SGCZ: variants seen among roughly 807,000 people sequenced by gnomAD.
SGCZ encodes the protein zeta-sarcoglycan.
Under a neutral mutation model 41.3 loss-of-function variants are expected in SGCZ, and 40 were observed. That is an observed-to-expected ratio of 0.97 (90% CI 0.75 to 1.26). The LOEUF is 1.26. Ranked by LOEUF, SGCZ falls within the 50% of genes most tolerant of loss-of-function variation. SGCZ has a pLI of 0.00. For synonymous variants in SGCZ, 206 were observed against 137.5 expected, an observed-to-expected ratio of 1.50 and a Z score of -3.49; for missense variants, 552 against 369.8, an observed-to-expected ratio of 1.49 and a Z score of -4.04.
chr8:14,955,477 T>G (rs1402203026), intron 1 of SGCZ, among the ~76,000 whole-genome samples: 1 of 152,172 alleles, frequency 6.6e-6, no homozygotes, highest in African/African-American at 2.4e-5. Context: ...CATTTCAACT[T>G]AAGTAGGTAA....
At chr8:14,359,971 G>A (rs1209475245) in intron 2 of SGCZ, among the ~76,000 whole-genome samples, 1 of 152,124 alleles carries the variant, frequency 6.6e-6, no homozygotes, top group Non-Finnish European at 1.5e-5. Context: ...ATATGCAAAT[G>A]AATGTGATAT....
intron 2 of SGCZ, among the ~76,000 whole-genome samples, chr8:14,479,398 G>A (rs1203648476): frequency 6.6e-6 from 1 of 152,194 alleles, no homozygotes; most frequent in African/African-American, 2.4e-5. Flanking sequence ...AGCGTTCGCA[G>A]CTGATTAGAT....
chr8:15,223,236 T>G (rs1337464181), intron 1 of SGCZ, among the ~76,000 whole-genome samples: 1 of 152,170 alleles, frequency 6.6e-6, no homozygotes, highest in Non-Finnish European at 1.5e-5. Flanking sequence ...AATTTCTCCC[T>G]AAGCTAAGCA....
intron 1 of SGCZ, among the ~76,000 whole-genome samples, chr8:14,826,361 C>A (rs1480881002): frequency 6.6e-6 from 1 of 152,068 alleles, no homozygotes; most frequent in Admixed American, 6.6e-5. Context: ...GGTTCCAAGT[C>A]TTTGCTATTG....
intron 1 of SGCZ, among the ~76,000 whole-genome samples, chr8:14,791,542 A>G (rs1800953461): frequency 6.6e-6 from 1 of 152,200 alleles, no homozygotes; most frequent in South Asian, 2.1e-4. Flanking sequence ...TTCACCTAAT[A>G]GAAGTTTCTA....
chr8:14,116,162 T>C (rs893526726), intron 5 of SGCZ, among the ~76,000 whole-genome samples: 3 of 152,134 alleles, frequency 2.0e-5, no homozygotes, highest in African/African-American at 7.2e-5. Flanking sequence ...CATTGGTTTA[T>C]AGATTTATCT....
At chr8:14,311,395 T>G in intron 3 of SGCZ, among the ~76,000 whole-genome samples, 1 of 152,136 alleles carries the variant, frequency 6.6e-6, no homozygotes. Context: ...CCTGGTTTTC[T>G]GTTATTTTTG....
intron 1 of SGCZ, among the ~76,000 whole-genome samples, chr8:14,854,274 A>G (rs1803463630): frequency 6.6e-6 from 1 of 151,674 alleles, no homozygotes; most frequent in African/African-American, 2.4e-5. Flanking sequence ...CATTATATGC[A>G]AAATGACTCA....
intron 2 of SGCZ, among the ~76,000 whole-genome samples, chr8:14,436,247 G>C (rs964414152): frequency 6.6e-6 from 1 of 152,172 alleles, no homozygotes; most frequent in African/African-American, 2.4e-5. Flanking sequence ...CTGGCGATGA[G>C]CCTCTTGAAT....
intron 4 of SGCZ, among the ~76,000 whole-genome samples, chr8:14,196,137 T>A (rs1805260053): frequency 6.6e-6 from 1 of 152,106 alleles, no homozygotes; most frequent in Non-Finnish European, 1.5e-5. Context: ...TGAAATGGTA[T>A]AATATCACTT....
intron 1 of SGCZ, among the ~76,000 whole-genome samples, chr8:14,738,420 T>C (rs1282932534): frequency 1.3e-5 from 2 of 152,098 alleles, no homozygotes; most frequent in African/African-American, 2.4e-5. Flanking sequence ...GTAAATGATA[T>C]AAGCCGCTAG....
chr8:14,730,781 A>G (rs562155799), intron 1 of SGCZ, among the ~76,000 whole-genome samples: 3 of 151,980 alleles, frequency 2.0e-5, no homozygotes, highest in South Asian at 4.1e-4. Flanking sequence ...AATGAAACTG[A>G]TGTTAAAAAC....
intron 2 of SGCZ, among the ~76,000 whole-genome samples, chr8:14,426,092 A>T (rs1041455944): frequency 1.3e-5 from 2 of 152,170 alleles, no homozygotes; most frequent in Admixed American, 1.3e-4. Flanking sequence ...TTCCTTCAAC[A>T]AATGTTTATT....
rs1047567163 is a variant in SGCZ, at chr8:15,081,069, A to C, written c.39+156516T>G. On this transcript the variant is annotated intron_variant, in intron 1 of 7. Transcript: ENST00000382080. The stretch of plus-strand genomic sequence containing the variant: ...ACCTCCAGCCTCCAAAATCACAAGA[A>C]CATAAACTCTGTTATTGAACGCAGC... Among the ~76,000 whole-genome samples the C allele has an allele frequency of 3.9e-5, 6 of 152,146 alleles. No homozygotes were observed. In the East Asian group the frequency reaches 1.2e-3, roughly 29 times the overall value.
At chr8:14,452,710 G>T (rs867390817) in intron 2 of SGCZ, among the ~76,000 whole-genome samples, 6 of 152,070 alleles carry the variant, frequency 3.9e-5, no homozygotes, top group African/African-American at 1.2e-4. Flanking sequence ...GGTGTATATT[G>T]GAACTCTTTT....
At chr8:15,105,751 G>A (rs1806799865) in intron 1 of SGCZ, among the ~76,000 whole-genome samples, 1 of 152,140 alleles carries the variant, frequency 6.6e-6, no homozygotes, top group Non-Finnish European at 1.5e-5. Flanking sequence ...GGATTATGAT[G>A]CATGGGAAGG....
intron 1 of SGCZ, among the ~76,000 whole-genome samples, chr8:15,013,058 G>T (rs1352368188): frequency 1.3e-5 from 2 of 152,048 alleles, no homozygotes; most frequent in African/African-American, 2.4e-5. Context: ...TTAAGAAATG[G>T]ATTTATGGTA....
intron 2 of SGCZ, among the ~76,000 whole-genome samples, chr8:14,492,617 TCTCA>T (rs1563365040): frequency 6.6e-6 from 1 of 152,180 alleles, no homozygotes; most frequent in Non-Finnish European, 1.5e-5. Flanking sequence ...TGCTCAAATT[TCTCA>T]CTAACTTTTC....
chr8:14,360,724 T>A (rs907320177), intron 2 of SGCZ, among the ~76,000 whole-genome samples: 1 of 152,198 alleles, frequency 6.6e-6, no homozygotes, highest in African/African-American at 2.4e-5. Flanking sequence ...CTAAATTGTT[T>A]CTAGGTTTTA....
Sources: gnomAD v4.1 joint callset for allele counts (sites outside exome capture counted in the v4.1 genomes callset) on GRCh38, gnomAD v4.1.1 for gene constraint, MANE v1.5 for transcripts, NCBI Gene and HGNC (gene_info 2026-07-23, HGNC 2026-07-21) for gene names.